TRPC5: variants seen among roughly 807,000 people sequenced by gnomAD.
TRPC5 encodes the protein short transient receptor potential channel 5.
TRPC5 carries 9 observed loss-of-function variants against 56.5 expected under a neutral mutation model. The observed-to-expected ratio is 0.16, with a 90% CI of 0.10 to 0.28. The LOEUF (loss-of-function observed/expected upper bound fraction) is 0.28. TRPC5 is among the 10% of genes least tolerant of loss of function. TRPC5 has a pLI of 1.00. For synonymous variants in TRPC5, 282 were observed against 278.5 expected, an observed-to-expected ratio of 1.01 and a Z score of -0.13; for missense variants, 469 against 748.9, an observed-to-expected ratio of 0.63 and a Z score of 4.36.
At chrX:112,070,757 C>CA (rs1209440210) in intron 1 of TRPC5, among the ~76,000 whole-genome samples, 1 of 106,246 alleles carries the variant, frequency 9.4e-6, no homozygotes, top group African/African-American at 3.7e-5. Context: ...CTGCCCCCCC[C>CA]CAAAGTTACT....
At chrX:111,996,809 T>G (rs1603137242) in intron 1 of TRPC5, among the ~76,000 whole-genome samples, 1 of 111,401 alleles carries the variant, frequency 9.0e-6, no homozygotes, top group Non-Finnish European at 1.9e-5. Flanking sequence ...ACCCCTGCTT[T>G]TTTTGTTTTG....
intron 6 of TRPC5, among the ~76,000 whole-genome samples, chrX:111,839,879 G>A (rs1720424001): frequency 9.2e-6 from 1 of 108,206 alleles, no homozygotes. Flanking sequence ...ACCACACCCA[G>A]CTAATTTTTT....
chrX:111,772,993 G>A lies in TRPC5; in HGVS notation c.*3320C>T, dbSNP rs932799758. Among the ~76,000 whole-genome samples the A allele has an allele frequency of 9.0e-6, 1 of 111,602 alleles. No individual in the cohort carries two copies. The highest frequency in any genetic ancestry group is 1.9e-5 in the Non-Finnish European group (1 of 53,131). ...CCATAAGAACTATAAAGTTCTTTTTGGAAAAGGTATTAAGTCATTTGAAAA... is the reference window on the plus strand; with the variant it reads ...CCATAAGAACTATAAAGTTCTTTTTAGAAAAGGTATTAAGTCATTTGAAAA... On this transcript the variant is annotated 3_prime_UTR_variant, in exon 11 of 11. Coordinates refer to ENST00000262839, the MANE Select transcript of TRPC5 (RefSeq NM_012471.3).
intron 1 of TRPC5, among the ~76,000 whole-genome samples, chrX:112,035,958 C>CAT (rs201536175): frequency 3.4e-4 from 37 of 108,614 alleles, no homozygotes; most frequent in Middle Eastern, 9.5e-3. Flanking sequence ...TACACACACA[C>CAT]ATATATATAT....
chrX:111,889,148 C>A (rs1054629431), intron 3 of TRPC5, among the ~76,000 whole-genome samples: 3 of 111,585 alleles, frequency 2.7e-5, no homozygotes, highest in African/African-American at 9.8e-5. Context: ...TATGAGGTCA[C>A]CAAGAGTGTG....
At chrX:111,783,421 A>G (rs1945936337) in intron 7 of TRPC5, among the ~76,000 whole-genome samples, 1 of 111,126 alleles carries the variant, frequency 9.0e-6, no homozygotes, top group Non-Finnish European at 1.9e-5. Flanking sequence ...TAATTGCTCT[A>G]TATCTTCTTT....
At chrX:111,781,449 G>C (rs1440233257) in intron 8 of TRPC5, among the ~76,000 whole-genome samples, 1 of 112,341 alleles carries the variant, frequency 8.9e-6, no homozygotes, top group East Asian at 2.8e-4. Context: ...ATATTGGCCA[G>C]GTGCGGTGGC....
At chrX:111,992,696 G>A (rs967199911) in intron 1 of TRPC5, among the ~76,000 whole-genome samples, 1 of 108,803 alleles carries the variant, frequency 9.2e-6, no homozygotes, top group African/African-American at 3.4e-5. Flanking sequence ...TCTGACTCCC[G>A]GGCTCAGGCA....
intron 1 of TRPC5, among the ~76,000 whole-genome samples, chrX:112,025,511 A>G (rs751489956): frequency 8.9e-6 from 1 of 111,865 alleles, no homozygotes; most frequent in East Asian, 2.8e-4. Context: ...CTGCCTTGGC[A>G]TTCATTTTTT....
intron 3 of TRPC5, among the ~76,000 whole-genome samples, chrX:111,901,025 T>G (rs1283080263): frequency 1.8e-5 from 2 of 111,412 alleles, no homozygotes. Context: ...AGCTGCTAGA[T>G]ATGGAAGTGG....
chrX:112,070,363 A>G (rs903284452), intron 1 of TRPC5, among the ~76,000 whole-genome samples: 1 of 111,388 alleles, frequency 9.0e-6, no homozygotes, highest in Non-Finnish European at 1.9e-5. Context: ...TCCAAGCTCC[A>G]TCAAGCCCAC....
chrX:112,045,506 T>C (rs1238338606), intron 1 of TRPC5, among the ~76,000 whole-genome samples: 1 of 112,092 alleles, frequency 8.9e-6, no homozygotes, highest in Non-Finnish European at 1.9e-5. Flanking sequence ...CAGAATTCGT[T>C]ACAGCAGTCA....
intron 7 of TRPC5, among the ~76,000 whole-genome samples, chrX:111,798,063 A>T (rs1174025866): frequency 8.9e-6 from 1 of 111,771 alleles, no homozygotes; most frequent in Non-Finnish European, 1.9e-5. Context: ...AAATGGATAT[A>T]TCCTGAATGC....
intron 7 of TRPC5, among the ~76,000 whole-genome samples, chrX:111,782,796 CATT>C (rs759952834): frequency 2.5e-4 from 21 of 83,126 alleles, no homozygotes; most frequent in South Asian, 8.6e-4. Context: ...ATGTAACAAT[CATT>C]ATAATCAACA....
At chrX:111,951,282 C>T (rs1020564831) in intron 2 of TRPC5, among the ~76,000 whole-genome samples, 1 of 111,886 alleles carries the variant, frequency 8.9e-6, no homozygotes, top group Non-Finnish European at 1.9e-5. Context: ...GCTGATGCTG[C>T]TAGTCAAGGG....
At chrX:111,950,051 G>A (rs190262046) in intron 2 of TRPC5, among the ~76,000 whole-genome samples, 26 of 111,642 alleles carry the variant, frequency 2.3e-4, no homozygotes, top group South Asian at 7.5e-4. Context: ...TTGGCTGGGC[G>A]CGGTGGCTCA....
At chrX:111,826,851 C>T (rs1208880355) in intron 7 of TRPC5, among the ~76,000 whole-genome samples, 3 of 111,611 alleles carry the variant, frequency 2.7e-5, no homozygotes, top group African/African-American at 9.8e-5. Context: ...GGCTCTTCGT[C>T]CCCTCAGGAT....
chrX:111,811,231 T>C (rs1425506441), intron 7 of TRPC5, among the ~76,000 whole-genome samples: 3 of 112,573 alleles, frequency 2.7e-5, no homozygotes, highest in Non-Finnish European at 3.7e-5. Context: ...TTACATCCTT[T>C]GCAACTGTTG....
intron 6 of TRPC5, among the ~76,000 whole-genome samples, chrX:111,839,400 C>T (rs376678283): frequency 1.8e-5 from 2 of 111,756 alleles, no homozygotes; most frequent in African/African-American, 6.5e-5. Context: ...ACTTTAGACC[C>T]CGCCATTTAT....
Sources: allele counts gnomAD v4.1 joint callset (sites outside exome capture counted in the v4.1 genomes callset), GRCh38; gene constraint gnomAD v4.1.1; transcripts MANE v1.5; gene names NCBI Gene and HGNC (gene_info 2026-07-23, HGNC 2026-07-21).